The following LRRTM4 variants were observed in gnomAD, a reference collection of about 807,000 sequenced individuals.
LRRTM4 encodes leucine rich repeat transmembrane neuronal 4.
A neutral mutation model predicts 47.6 loss-of-function variants in LRRTM4; 25 were observed. The ratio of observed to expected loss-of-function variants is 0.53; its 90% CI spans 0.38 to 0.73. LRRTM4 has a LOEUF of 0.73. LRRTM4 is among the 30% of genes least tolerant of loss of function. The pLI is 0.00. For missense variants in LRRTM4, 638 were observed against 713.4 expected (o/e 0.89, Z 1.20); for synonymous variants, 311 against 269.5 (o/e 1.15, Z -1.51).
intron 3 of LRRTM4, among the ~76,000 whole-genome samples, chr2:77,070,471 T>C (rs1680114923): frequency 6.6e-6 from 1 of 150,966 alleles, no homozygotes; most frequent in South Asian, 2.1e-4. Flanking sequence ...TGTTCAATCT[T>C]TCTACCTTGC....
intron 3 of LRRTM4, among the ~76,000 whole-genome samples, chr2:77,004,474 T>A (rs1440966105): frequency 6.6e-6 from 1 of 152,160 alleles, no homozygotes; most frequent in Non-Finnish European, 1.5e-5. Flanking sequence ...TTGAGGTTTG[T>A]GAACCTTTGC....
intron 3 of LRRTM4, among the ~76,000 whole-genome samples, chr2:77,045,557 A>C (rs1480926759): frequency 1.3e-5 from 2 of 151,908 alleles, no homozygotes; most frequent in Non-Finnish European, 2.9e-5. Context: ...AGGTAATTGA[A>C]TCGTGAGGGC....
intron 3 of LRRTM4, 126 bp downstream of exon 3, chr2:77,518,192 C>G: frequency 7.5e-7 from 1 of 1,341,492 alleles, no homozygotes; most frequent in Non-Finnish European, 9.5e-7. Flanking sequence ...ACCTTTCACA[C>G]TGAGCAAAAC....
intron 3 of LRRTM4, among the ~76,000 whole-genome samples, chr2:77,096,098 A>C (rs1011270619): frequency 7.2e-5 from 11 of 152,072 alleles, no homozygotes; most frequent in Admixed American, 7.2e-4. Flanking sequence ...TCTTTTTACA[A>C]TGTATGCATA....
At chr2:76,795,749 C>A (rs1675265567) in intron 3 of LRRTM4, among the ~76,000 whole-genome samples, 1 of 151,978 alleles carries the variant, frequency 6.6e-6, no homozygotes, top group Admixed American at 6.6e-5. Context: ...TTTATGAGGC[C>A]AACATTACCC....
rs368351240 is a variant in LRRTM4 at position 76,959,447 on chromosome 2, GA to G, written c.1552-210532del. On this transcript the variant is annotated intron_variant, in intron 3 of 3. Transcript: ENST00000409884. Reference sequence around the variant, plus strand: ...TCAGAAACATCAAAATATTTCTGGGGAAAAAAAACACGACAGAAATAAAACA... The same window carrying G: ...TCAGAAACATCAAAATATTTCTGGGGAAAAAAACACGACAGAAATAAAACA... 1.4e-3 allele frequency among the ~76,000 whole-genome samples: 213 copies of G among 150,144 alleles called. 4 individuals are homozygous for G. In the East Asian group the frequency reaches 0.034, roughly 24 times the overall value.
At chr2:76,864,266 C>T (rs781476730) in intron 3 of LRRTM4, among the ~76,000 whole-genome samples, 15 of 152,186 alleles carry the variant, frequency 9.9e-5, no homozygotes, top group Non-Finnish European at 2.1e-4. Context: ...TGAAACCAAG[C>T]TATCCAAAGA....
At chr2:77,344,756 C>T (rs902421208) in intron 3 of LRRTM4, among the ~76,000 whole-genome samples, 10 of 151,422 alleles carry the variant, frequency 6.6e-5, no homozygotes, top group Admixed American at 2.0e-4. Context: ...CCAATCAAAC[C>T]GCTGAAAACT....
At chr2:77,069,311 C>A (rs528920920) in intron 3 of LRRTM4, among the ~76,000 whole-genome samples, 1 of 151,852 alleles carries the variant, frequency 6.6e-6, no homozygotes, top group Non-Finnish European at 1.5e-5. Flanking sequence ...TATTAACATA[C>A]ATGTACAGGC....
chr2:77,005,227 C>T (rs559892107), intron 3 of LRRTM4, among the ~76,000 whole-genome samples: 11 of 152,286 alleles, frequency 7.2e-5, no homozygotes, highest in South Asian at 2.1e-4. Context: ...TCACTGCAAC[C>T]TCTGCTGCCC....
intron 3 of LRRTM4, among the ~76,000 whole-genome samples, chr2:77,353,685 T>TTTATTA (rs58919757): frequency 0.026 from 3,917 of 151,210 alleles, 127 homozygotes; most frequent in African/African-American, 0.075. Context: ...TGCTGCTTAA[T>TTTATTA]TTATTATTAT....
At chr2:77,411,270 C>G (rs947546884) in intron 3 of LRRTM4, among the ~76,000 whole-genome samples, 9 of 152,074 alleles carry the variant, frequency 5.9e-5, no homozygotes, top group Admixed American at 1.3e-4. Context: ...AACTTTACAA[C>G]AATAAATAGT....
intron 3 of LRRTM4, among the ~76,000 whole-genome samples, chr2:77,043,606 C>T (rs1679113160): frequency 6.6e-6 from 1 of 151,638 alleles, no homozygotes; most frequent in Admixed American, 6.6e-5. Context: ...AAGAGTTAAG[C>T]AAGTGCTGTC....
chr2:76,909,865 T>C (rs1048639951), intron 3 of LRRTM4, among the ~76,000 whole-genome samples: 11 of 152,138 alleles, frequency 7.2e-5, no homozygotes, highest in Admixed American at 6.5e-4. Context: ...GGAGAGGATG[T>C]GAAGAAATAG....
At chr2:77,372,046 A>C (rs985771500) in intron 3 of LRRTM4, among the ~76,000 whole-genome samples, 1 of 151,754 alleles carries the variant, frequency 6.6e-6, no homozygotes, top group Non-Finnish European at 1.5e-5. Context: ...CAAATGGTGC[A>C]TGTGGTACTG....
chr2:76,925,431 C>G (rs975013815), intron 3 of LRRTM4, among the ~76,000 whole-genome samples: 1 of 152,068 alleles, frequency 6.6e-6, no homozygotes, highest in Non-Finnish European at 1.5e-5. Context: ...AGGCTCTTAG[C>G]CGAGGATCCA....
At chr2:77,353,574 G>A (rs1229960750) in intron 3 of LRRTM4, among the ~76,000 whole-genome samples, 2 of 151,970 alleles carry the variant, frequency 1.3e-5, no homozygotes, top group African/African-American at 4.8e-5. Flanking sequence ...CTTATGTAGG[G>A]GGATAATGAC....
intron 3 of LRRTM4, among the ~76,000 whole-genome samples, chr2:77,479,249 C>G (rs1004446381): frequency 6.6e-6 from 1 of 151,960 alleles, no homozygotes; most frequent in Admixed American, 6.6e-5. Flanking sequence ...AATTTAGTTT[C>G]TTTCTTGACC....
chr2:77,517,337 C>T, intron 3 of LRRTM4: 1 of 983,316 alleles, frequency 1.0e-6, no homozygotes. Context: ...ATACCCAGAA[C>T]TCAAACCTCT....
Sources: gnomAD v4.1 joint callset for allele counts (sites outside exome capture counted in the v4.1 genomes callset) on GRCh38, gnomAD v4.1.1 for gene constraint, MANE v1.5 for transcripts, NCBI Gene and HGNC (gene_info 2026-07-23, HGNC 2026-07-21) for gene names.